Variants in NEGR1 observed in about 807,000 individuals in gnomAD.
NEGR1 encodes the protein neuronal growth regulator 1.
A neutral mutation model predicts 40.9 loss-of-function variants in NEGR1; 10 were observed. The ratio of observed to expected loss-of-function variants is 0.24; its 90% CI spans 0.15 to 0.42. The LOEUF (loss-of-function observed/expected upper bound fraction) is 0.42. Among genes scored for constraint, NEGR1 ranks in the 10% least tolerant of loss-of-function variants. The pLI, the probability that NEGR1 is intolerant of heterozygous loss-of-function variation, is 1.00. For synonymous variants in NEGR1, 185 were observed against 166.8 expected, an observed-to-expected ratio of 1.11 and a Z score of -0.84; for missense variants, 352 against 438.9, an observed-to-expected ratio of 0.80 and a Z score of 1.77.
At chr1:72,172,115 C>G (rs2100396020) in intron 1 of NEGR1, among the ~76,000 whole-genome samples, 1 of 152,116 alleles carries the variant, frequency 6.6e-6, no homozygotes, top group East Asian at 1.9e-4. Context: ...TGGAGAGGTC[C>G]AAGATGTAAA....
intron 2 of NEGR1, among the ~76,000 whole-genome samples, chr1:71,801,531 C>T (rs907338772): frequency 7.2e-5 from 11 of 152,238 alleles, no homozygotes; most frequent in African/African-American, 2.6e-4. Context: ...TCATGCCAGC[C>T]TTTCTTATCT....
intron 1 of NEGR1, among the ~76,000 whole-genome samples, chr1:72,051,532 A>G (rs1365714878): frequency 6.6e-6 from 1 of 151,456 alleles, no homozygotes; most frequent in East Asian, 1.9e-4. Context: ...TGTTGCATCG[A>G]AAAAAATTTC....
intron 3 of NEGR1, among the ~76,000 whole-genome samples, chr1:71,739,226 A>G (rs2101674201): frequency 1.3e-5 from 2 of 151,738 alleles, no homozygotes; most frequent in East Asian, 3.9e-4. Flanking sequence ...AACAAAAAAA[A>G]AAAACGTGAA....
intron 1 of NEGR1, among the ~76,000 whole-genome samples, chr1:71,962,323 G>A (rs1557457454): frequency 6.6e-6 from 1 of 152,044 alleles, no homozygotes; most frequent in Non-Finnish European, 1.5e-5. Flanking sequence ...GTAAAGGGAA[G>A]TACATAATTA....
chr1:72,282,357 G>C lies in NEGR1; in HGVS notation c.138C>G (p.Asp46Glu). 1 of 1,614,038 alleles carries C rather than the reference G, an allele frequency of 6.2e-7. No individual in the cohort carries two copies. Among genetic ancestry groups the C allele is most frequent in the Non-Finnish European group, 8.5e-7 (1 of 1,179,994 alleles). Residue 46 changes from aspartate (D) to glutamate (E), a missense_variant, in exon 1 of 7, where the codon GAC (aspartate) becomes GAG (glutamate). This residue lies in a region of NEGR1 where 81 missense variants were observed against 85.8 expected (regional missense o/e 0.94). Coordinates refer to ENST00000357731, the MANE Select transcript of NEGR1 (RefSeq NM_173808.3). ...QSVDFPWAAV[D>E]NMMVRKGDTA... ...TGTCCCCTTTTCTGACCATCATGTTGTCCACGGCCGCCCAGGGGAAGTCCA... is the reference window on the plus strand; with the variant it reads ...TGTCCCCTTTTCTGACCATCATGTTCTCCACGGCCGCCCAGGGGAAGTCCA...
At chr1:71,448,868 C>T (rs1256728563) in intron 6 of NEGR1, among the ~76,000 whole-genome samples, 1 of 152,120 alleles carries the variant, frequency 6.6e-6, no homozygotes, top group Non-Finnish European at 1.5e-5. Context: ...GTGACAACTG[C>T]ACGATAAAGG....
intron 6 of NEGR1, among the ~76,000 whole-genome samples, chr1:71,500,619 A>C (rs1009161894): frequency 6.6e-6 from 1 of 152,102 alleles, no homozygotes; most frequent in African/African-American, 2.4e-5. Flanking sequence ...TTAAAAAGTT[A>C]TCATTACATT....
At chr1:71,675,900 TA>T (rs1270390683) in intron 4 of NEGR1, among the ~76,000 whole-genome samples, 4 of 152,006 alleles carry the variant, frequency 2.6e-5, no homozygotes, top group Admixed American at 6.6e-5. Context: ...CCTCCTGGTC[TA>T]AAGTATCCTC....
At chr1:71,633,265 A>G (rs561639646) in intron 4 of NEGR1, among the ~76,000 whole-genome samples, 1 of 152,128 alleles carries the variant, frequency 6.6e-6, no homozygotes, top group African/African-American at 2.4e-5. Flanking sequence ...CCATCAGTAG[A>G]TGCCACAGAA....
intron 6 of NEGR1, among the ~76,000 whole-genome samples, chr1:71,556,584 A>C (rs913104745): frequency 1.3e-5 from 2 of 151,336 alleles, no homozygotes; most frequent in African/African-American, 4.8e-5. Context: ...TTTGTTATTC[A>C]TGCTGGCGAC....
intron 1 of NEGR1, among the ~76,000 whole-genome samples, chr1:72,151,795 T>C (rs937211875): frequency 2.0e-5 from 3 of 151,864 alleles, no homozygotes; most frequent in Non-Finnish European, 3.0e-5. Flanking sequence ...TGTTTCCACA[T>C]CATGAGTGTC....
At chr1:71,489,645 GTTC>G (rs1646912240) in intron 6 of NEGR1, 1 of 151,796 alleles carries the variant, frequency 6.6e-6, no homozygotes, top group African/African-American at 2.4e-5. Flanking sequence ...CACAAAATCT[GTTC>G]TTCTGCTTAA....
intron 5 of NEGR1, among the ~76,000 whole-genome samples, chr1:71,607,933 C>T (rs558756522): frequency 4.6e-5 from 7 of 152,144 alleles, no homozygotes; most frequent in African/African-American, 9.7e-5. Flanking sequence ...GTGATCCACC[C>T]GTCTTTGCCT....
rs116594065 is a variant in NEGR1 at position 71,470,447 on chromosome 1, A to G, written c.941-62877T>C. Among the ~76,000 whole-genome samples, 1,406 of 152,260 alleles carry G rather than the reference A, an allele frequency of 9.2e-3. 21 individuals carry two copies. The highest frequency in any genetic ancestry group is 0.032 in the African/African-American group (1,339 of 41,570). On this transcript the variant is annotated intron_variant, in intron 6 of 6. Coordinates refer to ENST00000357731, the MANE Select transcript of NEGR1 (RefSeq NM_173808.3). ...TTTCATAAAACACTAATATAAACAA[A>G]GAAAATTTAGCATCCTCCTTCTTTA...
chr1:71,971,708 T>A (rs1344966178), intron 1 of NEGR1, among the ~76,000 whole-genome samples: 1 of 152,248 alleles, frequency 6.6e-6, no homozygotes, highest in East Asian at 1.9e-4. Context: ...ATATTTGATG[T>A]TAAAATATTT....
chr1:71,438,420 G>A (rs1263867831), intron 6 of NEGR1, among the ~76,000 whole-genome samples: 5 of 151,806 alleles, frequency 3.3e-5, no homozygotes, highest in South Asian at 2.1e-4. Flanking sequence ...TTTGTATGTC[G>A]TGCTGAAAGC....
intron 6 of NEGR1, among the ~76,000 whole-genome samples, chr1:71,560,429 T>TTATATATATATATATATATATA (rs58813234): frequency 0.015 from 1,758 of 113,704 alleles, 77 homozygotes; most frequent in Non-Finnish European, 0.021. Context: ...TAATTCTCCA[T>TTATATATATATATATATATATA]TATATATATA....
intron 4 of NEGR1, among the ~76,000 whole-genome samples, chr1:71,617,507 C>A (rs1436031198): frequency 1.3e-5 from 2 of 152,188 alleles, no homozygotes; most frequent in Non-Finnish European, 2.9e-5. Context: ...ACTATTCAAG[C>A]CTCTGAATTC....
intron 1 of NEGR1, among the ~76,000 whole-genome samples, chr1:72,271,195 T>C (rs1655831861): frequency 6.6e-6 from 1 of 151,792 alleles, no homozygotes; most frequent in Non-Finnish European, 1.5e-5. Context: ...AAAAGCAACT[T>C]CACGTCTAGA....
Sources: allele counts gnomAD v4.1 joint callset (sites outside exome capture counted in the v4.1 genomes callset), GRCh38; gene constraint gnomAD v4.1.1; regional missense constraint gnomAD v4.1.1; transcripts MANE v1.5; gene names NCBI Gene and HGNC (gene_info 2026-07-23, HGNC 2026-07-21).